Variants in WDR70 observed in about 807,000 individuals in gnomAD.
The protein encoded by WDR70 is WD repeat domain 70.
A neutral mutation model predicts 88.6 loss-of-function variants in WDR70; 53 were observed. The ratio of observed to expected loss-of-function variants is 0.60; its 90% CI spans 0.48 to 0.75. WDR70 has a LOEUF of 0.75. Ranked by LOEUF, WDR70 falls within the 30% of genes least tolerant of loss-of-function variation. The probability of loss-of-function intolerance (pLI) is 0.00; values close to 1 mark genes in which losing one functional copy is unlikely to be tolerated. For synonymous variants in WDR70, 280 were observed against 270.0 expected, an observed-to-expected ratio of 1.04 and a Z score of -0.36; for missense variants, 610 against 823.2, an observed-to-expected ratio of 0.74 and a Z score of 3.17.
At chr5:37,449,106 G>C (rs1415922584) in intron 7 of WDR70, among the ~76,000 whole-genome samples, 2 of 152,204 alleles carry the variant, frequency 1.3e-5, no homozygotes, top group Admixed American at 6.5e-5. Context: ...ACTAGAGGCA[G>C]TGGAAAAATT....
Position 37,498,713 on chromosome 5 carries a change from T to C in WDR70, c.841-17801T>C, listed in dbSNP as rs80071905. ...GAAGTCAAAAACCTGTAAGTTAAAC[T>C]TGACTTCTCCCTTTTCCCTCACACC... On this transcript the variant is annotated intron_variant, in intron 8 of 17. Transcript: ENST00000265107. Among the ~76,000 whole-genome samples, 1,171 of 152,352 alleles carry C rather than the reference T, an allele frequency of 7.7e-3. 21 individuals are homozygous for C. The highest frequency in any genetic ancestry group is 0.027 in the African/African-American group (1,133 of 41,578).
At chr5:37,385,905 G>A (rs572193714) in intron 3 of WDR70, among the ~76,000 whole-genome samples, 9 of 151,996 alleles carry the variant, frequency 5.9e-5, no homozygotes, top group South Asian at 2.1e-4. Context: ...CCGGGTTCAC[G>A]CCATTCTCCT....
At chr5:37,469,202 T>TA (rs1739253730) in intron 7 of WDR70, among the ~76,000 whole-genome samples, 1 of 152,176 alleles carries the variant, frequency 6.6e-6, no homozygotes, top group Admixed American at 6.6e-5. Context: ...TACATGGGAC[T>TA]CTGACATGTG....
At chr5:37,581,993 G>A (rs569472316) in intron 9 of WDR70, among the ~76,000 whole-genome samples, 1 of 151,948 alleles carries the variant, frequency 6.6e-6, no homozygotes, top group African/African-American at 2.4e-5. Context: ...TGGGATTGAG[G>A]GAAATGTTTG....
At position 37,402,892 on chromosome 5, in the gene WDR70, ATCCT is replaced by A. The variant is rs201512739; in HGVS notation, c.492+6342_492+6345del. ...CTACAGGTAAGAGCATGTAAAATCCATCCTTCCTTCCTTCCTTCCTTCCCTCTTT... is the reference window on the plus strand; with the variant it reads ...CTACAGGTAAGAGCATGTAAAATCCATCCTTCCTTCCTTCCTTCCCTCTTT... On this transcript the variant is annotated intron_variant, in intron 5 of 17. Coordinates refer to ENST00000265107, the MANE Select transcript of WDR70 (RefSeq NM_018034.4). Among the ~76,000 whole-genome samples, 50 of 137,384 alleles carry A rather than the reference ATCCT, an allele frequency of 3.6e-4. 1 individual carries two copies. The East Asian group carries it at 6.7e-3, about 19-fold the overall frequency. 90.1% of individuals were successfully genotyped at this position (137,384 alleles called of 152,430 possible). A position where few individuals can be genotyped will look rare whatever the true frequency, so the allele number is the denominator to read the frequency against.
At chr5:37,443,507 C>T (rs1276943164) in intron 7 of WDR70, 135 bp downstream of exon 7, 13 of 960,324 alleles carry the variant, frequency 1.4e-5, no homozygotes, top group Non-Finnish European at 1.9e-5. Context: ...TGTATACGGC[C>T]TTCATAATTT....
At chr5:37,402,952 T>TTTTTG (rs1319346733) in intron 5 of WDR70, among the ~76,000 whole-genome samples, 3 of 139,462 alleles carry the variant, frequency 2.2e-5, no homozygotes, top group African/African-American at 8.1e-5. Context: ...CCGTTTTTTT[T>TTTTTG]TTTTTTTTTT....
At chr5:37,389,475 A>G (rs1252472339) in intron 3 of WDR70, among the ~76,000 whole-genome samples, 1 of 151,482 alleles carries the variant, frequency 6.6e-6, no homozygotes, top group Admixed American at 6.6e-5. Flanking sequence ...CAGTGGTGCC[A>G]TCTCCGCTCA....
chr5:37,612,282 A>G (rs1204181446), intron 10 of WDR70, among the ~76,000 whole-genome samples: 1 of 152,156 alleles, frequency 6.6e-6, no homozygotes, highest in African/African-American at 2.4e-5. Flanking sequence ...GGAATGTAGA[A>G]GAATATATAT....
At chr5:37,415,392 C>T (rs1266668359) in intron 5 of WDR70, among the ~76,000 whole-genome samples, 6 of 112,448 alleles carry the variant, frequency 5.3e-5, no homozygotes, top group Non-Finnish European at 1.1e-4. Context: ...CCGGACGGGG[C>T]GGCTGGCCGG....
intron 7 of WDR70, among the ~76,000 whole-genome samples, chr5:37,449,725 A>G (rs989882248): frequency 2.0e-5 from 3 of 152,038 alleles, no homozygotes; most frequent in African/African-American, 4.8e-5. Flanking sequence ...ATATTAGCAA[A>G]TAAGATCTAG....
chr5:37,722,764 G>A (rs1391520855), intron 14 of WDR70, 91 bp from the exon 15 acceptor site: 5 of 1,183,228 alleles, frequency 4.2e-6, no homozygotes, highest in Admixed American at 2.0e-5. Context: ...CATGCACAGA[G>A]TATGTTCCTG....
At chr5:37,526,879 A>G (rs1741295022) in intron 9 of WDR70, among the ~76,000 whole-genome samples, 1 of 152,166 alleles carries the variant, frequency 6.6e-6, no homozygotes, top group African/African-American at 2.4e-5. Context: ...TCCCATTCAC[A>G]ATTGCTTCAA....
intron 10 of WDR70, among the ~76,000 whole-genome samples, chr5:37,631,051 G>A (rs1170152361): frequency 4.6e-5 from 7 of 152,138 alleles, no homozygotes; most frequent in African/African-American, 1.2e-4. Context: ...AGTTCCCTCC[G>A]ACGCCAGGCA....
intron 8 of WDR70, among the ~76,000 whole-genome samples, chr5:37,510,556 C>T (rs1165534504): frequency 1.3e-5 from 2 of 152,154 alleles, no homozygotes; most frequent in Admixed American, 1.3e-4. Context: ...CCTCAGTCTC[C>T]CTAGTAGCTG....
intron 9 of WDR70, among the ~76,000 whole-genome samples, chr5:37,559,672 C>T (rs571138053): frequency 6.6e-6 from 1 of 152,060 alleles, no homozygotes; most frequent in South Asian, 2.1e-4. Flanking sequence ...TGGTGAAGCC[C>T]CGTCTCTACT....
chr5:37,660,311 C>A (rs1253610473), intron 10 of WDR70, among the ~76,000 whole-genome samples: 6 of 152,054 alleles, frequency 3.9e-5, no homozygotes, highest in Non-Finnish European at 2.9e-5. Flanking sequence ...CTATAAATAT[C>A]AATTAGGTCA....
intron 13 of WDR70, among the ~76,000 whole-genome samples, chr5:37,711,183 A>C (rs780030832): frequency 1.9e-4 from 29 of 152,178 alleles, no homozygotes; most frequent in Admixed American, 1.4e-3. Flanking sequence ...TCCTAGAATG[A>C]GTCACCCCTC....
At chr5:37,703,467 T>C (rs1219444269) in intron 13 of WDR70, among the ~76,000 whole-genome samples, 1 of 152,226 alleles carries the variant, frequency 6.6e-6, no homozygotes, top group East Asian at 1.9e-4. Flanking sequence ...AAGTTTAACA[T>C]TGTTCCCGAA....
Sources: gnomAD v4.1 joint callset for allele counts (sites outside exome capture counted in the v4.1 genomes callset) on GRCh38, gnomAD v4.1.1 for gene constraint, MANE v1.5 for transcripts, NCBI Gene and HGNC (gene_info 2026-07-23, HGNC 2026-07-21) for gene names.